CD226: variants seen among roughly 807,000 people sequenced by gnomAD.
CD226 encodes CD226 antigen.
In CD226, 24 loss-of-function variants were observed where a neutral mutation model predicts 34.9. That is an observed-to-expected ratio of 0.69 (90% CI 0.50 to 0.97). The LOEUF is 0.97. Among genes scored for constraint, CD226 ranks in the 50% least tolerant of loss-of-function variants. The pLI, the probability that CD226 is intolerant of heterozygous loss-of-function variation, is 0.00. For missense variants in CD226, 397 were observed against 412.7 expected, an observed-to-expected ratio of 0.96 and a Z score of 0.33; for synonymous variants, 148 against 147.4, an observed-to-expected ratio of 1.00 and a Z score of -0.03.
chr18:69,939,619 A>G (rs2055698526), intron 2 of CD226, among the ~76,000 whole-genome samples: 1 of 152,260 alleles, frequency 6.6e-6, no homozygotes, highest in Non-Finnish European at 1.5e-5. Context: ...CAAACAGAGT[A>G]GAATTATTGG....
chr18:69,897,607 C>T lies in CD226; in HGVS notation c.383-1562G>A, dbSNP rs574546698. 1.0e-3 allele frequency among the ~76,000 whole-genome samples: 140 copies of T among 137,810 alleles called. 1 individual carries two copies. Among genetic ancestry groups the T allele is most frequent in the Non-Finnish European group, 1.8e-3 (117 of 63,554 alleles). The allele number at this position is 137,810 out of a possible 152,430, so 90.4% of individuals were successfully genotyped here. A position where few individuals can be genotyped will look rare whatever the true frequency, so the allele number is the denominator to read the frequency against. Reference sequence around the variant, plus strand: ...GCCCAGGAGCCATTGTCTTGGCATACAAACAAAAGAAAAAAGAAATAGAGA... The same window carrying T: ...GCCCAGGAGCCATTGTCTTGGCATATAAACAAAAGAAAAAAGAAATAGAGA... On this transcript the variant is annotated intron_variant, in intron 2 of 5. Coordinates refer to ENST00000582621, the MANE Select transcript of CD226 (RefSeq NM_001303618.2).
intron 2 of CD226, among the ~76,000 whole-genome samples, chr18:69,913,706 A>G (rs2055353334): frequency 6.6e-6 from 1 of 152,200 alleles, no homozygotes; most frequent in Non-Finnish European, 1.5e-5. Context: ...TCTCTGCAGG[A>G]TGGACCTCAC....
intron 4 of CD226, among the ~76,000 whole-genome samples, chr18:69,872,057 G>GGGGTGTGTGTGTGT (rs1555677203): frequency 2.1e-5 from 3 of 143,430 alleles, no homozygotes; most frequent in Non-Finnish European, 1.5e-5. Flanking sequence ...ATTAACAAGG[G>GGGGTGTGTGTGTGT]GTGTGTGTGT....
At chr18:69,957,525 AG>A (rs1174939311), upstream of CD226, among the ~76,000 whole-genome samples, 1 of 152,082 alleles carries the variant, frequency 6.6e-6, no homozygotes, top group Non-Finnish European at 1.5e-5. Flanking sequence ...TAGGTTATGG[AG>A]GTTCCCTGCT....
At chr18:69,909,189 G>A (rs2055293503) in intron 2 of CD226, among the ~76,000 whole-genome samples, 1 of 152,186 alleles carries the variant, frequency 6.6e-6, no homozygotes, top group Non-Finnish European at 1.5e-5. Context: ...AAAATGCCAG[G>A]CACATTAAGT....
intron 2 of CD226, among the ~76,000 whole-genome samples, chr18:69,900,857 G>C (rs1005417895): frequency 6.6e-6 from 1 of 151,996 alleles, no homozygotes; most frequent in South Asian, 2.1e-4. Flanking sequence ...TTGATTTTGG[G>C]GGAGATTTAC....
In CD226 at chr18:69,880,340, GAAA is replaced by G. The variant is rs1272042449; in HGVS notation, c.728-7097_728-7095del. On this transcript the variant is annotated intron_variant, in intron 3 of 5. Coordinates refer to ENST00000582621, the MANE Select transcript of CD226 (RefSeq NM_001303618.2). ...AAAGAAAAAGAAAGAGAGAAAGAAA[GAAA>G]GAAAGAAAGAAAGAAAGGAAGGAAG... Among the ~76,000 whole-genome samples the G allele has an allele frequency of 4.7e-5, 3 of 64,398 alleles. No individual in the cohort carries two copies. The East Asian group carries it at 2.4e-3, about 52-fold the overall frequency. 42.2% of individuals were successfully genotyped at this position (64,398 alleles called of 152,430 possible). A position where few individuals can be genotyped will look rare whatever the true frequency, so the allele number is the denominator to read the frequency against.
intron 2 of CD226, among the ~76,000 whole-genome samples, chr18:69,902,036 AAAAT>A (rs1246327174): frequency 6.6e-6 from 1 of 152,198 alleles, no homozygotes; most frequent in Non-Finnish European, 1.5e-5. Context: ...CACAGTTGAA[AAAAT>A]AAATATACTG....
rs185647135 is a variant in CD226 at position 69,910,361 on chromosome 18, T to C, written c.383-14316A>G. Among the ~76,000 whole-genome samples, 3 of 152,298 alleles carry C rather than the reference T, an allele frequency of 2.0e-5. No homozygotes were observed. In the East Asian group the frequency reaches 5.8e-4, roughly 29 times the overall value. The stretch of plus-strand genomic sequence containing the variant: ...CGTGGATATGAGGTACCCCTTGATA[T>C]GATGTGATGAGAAGGGGTTCATGAC... On this transcript the variant is annotated intron_variant, in intron 2 of 5. Coordinates refer to ENST00000582621, the MANE Select transcript of CD226 (RefSeq NM_001303618.2).
intron 2 of CD226, among the ~76,000 whole-genome samples, chr18:69,945,271 C>T (rs762759411): frequency 1.3e-5 from 2 of 152,208 alleles, no homozygotes; most frequent in Non-Finnish European, 2.9e-5. Context: ...TATCGTCCCT[C>T]AGCCATTCAA....
rs1288224220 is a variant in CD226 at position 69,863,910 on chromosome 18, T to C, written c.*404A>G. The C allele has an allele frequency of 6.5e-6, 1 of 155,036 alleles. No homozygotes were observed. The highest frequency in any genetic ancestry group is 1.4e-5 in the Non-Finnish European group (1 of 70,076). 9.6% of individuals were successfully genotyped at this position (155,036 alleles called of 1,614,324 possible). A position where few individuals can be genotyped will look rare whatever the true frequency, so the allele number is the denominator to read the frequency against. ...GAATTGCCAAGAGTTGGCAGCCATC[T>C]TGCCAACACAAGAGGAAAGCCTGCA... On this transcript the variant is annotated 3_prime_UTR_variant, in exon 6 of 6. Transcript: ENST00000582621.
Position 69,896,044 on chromosome 18 carries a change from A to G in CD226, c.384T>C (p.Asp128=). 1 of 1,602,594 alleles carries G rather than the reference A, an allele frequency of 6.2e-7. No individual in the cohort carries two copies. Among genetic ancestry groups the G allele is most frequent in the Non-Finnish European group, 8.5e-7 (1 of 1,175,660 alleles). ...WQKVIQVVQS[D]SFEAAVPSNS... The stretch of plus-strand genomic sequence containing the variant: ...TTGATGGCACAGCTGCCTCAAAACT[A>G]TCTGAAAAGAAGAAGCAAATGATTA... Residue 128 remains aspartate (D), a splice_region_variant and synonymous_variant, in exon 3 of 6, where the codon GAT becomes GAC. Transcript: ENST00000582621.
intron 3 of CD226, among the ~76,000 whole-genome samples, chr18:69,887,216 C>T (rs544114685): frequency 1.4e-4 from 22 of 152,282 alleles, no homozygotes; most frequent in African/African-American, 5.3e-4. Flanking sequence ...GTTGCCCACA[C>T]AATCGTGTGT....
In CD226 at chr18:69,859,122, G is replaced by A. The variant is rs1018202930; in HGVS notation, c.*5192C>T. 6.6e-6 allele frequency: 1 copy of A among 152,090 alleles called. No homozygotes were observed. The highest frequency in any genetic ancestry group is 2.4e-5 in the African/African-American group (1 of 41,392). The allele number at this position is 152,090 out of a possible 1,614,324, so 9.4% of individuals were successfully genotyped here. On this transcript the variant is annotated 3_prime_UTR_variant, in exon 6 of 6. Transcript: ENST00000582621. ...ACGGAAACACATGTCCTTTTGTTCT[G>A]GAAAATGTTTTAGAGTGGATTCTAG... is the stretch of plus-strand genomic sequence containing the variant.
At chr18:69,866,048 G>A (rs1471433522) in intron 5 of CD226, among the ~76,000 whole-genome samples, 13 of 152,084 alleles carry the variant, frequency 8.5e-5, no homozygotes, top group Non-Finnish European at 1.8e-4. Context: ...GAGGGCCTGC[G>A]GGCCTGTTTC....
chr18:69,954,647 G>A (rs574020281), intron 1 of CD226, among the ~76,000 whole-genome samples: 2 of 152,132 alleles, frequency 1.3e-5, no homozygotes, highest in East Asian at 1.9e-4. Context: ...ACTGGAAAAG[G>A]GGTACTAACT....
At chr18:69,919,827 A>G (rs565361911) in intron 2 of CD226, among the ~76,000 whole-genome samples, 3 of 152,164 alleles carry the variant, frequency 2.0e-5, no homozygotes, top group Admixed American at 2.0e-4. Context: ...GTCGGTTACT[A>G]TAAGAAGCAT....
intron 2 of CD226, among the ~76,000 whole-genome samples, chr18:69,902,735 G>A (rs540453641): frequency 1.3e-5 from 2 of 151,966 alleles, no homozygotes; most frequent in South Asian, 2.1e-4. Context: ...TCTAAAGCAC[G>A]AGACGATAAC....
intron 2 of CD226, among the ~76,000 whole-genome samples, chr18:69,940,017 C>T (rs1306876849): frequency 6.6e-6 from 1 of 152,172 alleles, no homozygotes; most frequent in Non-Finnish European, 1.5e-5. Flanking sequence ...TGGGAGAGAC[C>T]AGGTGGAGAT....
Sources: allele counts gnomAD v4.1 joint callset (sites outside exome capture counted in the v4.1 genomes callset), GRCh38; gene constraint gnomAD v4.1.1; transcripts MANE v1.5; gene names NCBI Gene and HGNC (gene_info 2026-07-23, HGNC 2026-07-21).